UBE3B: variants seen among roughly 807,000 people sequenced by gnomAD.
UBE3B encodes the protein ubiquitin-protein ligase E3B.
Under a neutral mutation model 132.3 loss-of-function variants are expected in UBE3B, and 80 were observed. That is an observed-to-expected ratio of 0.60 (90% CI 0.50 to 0.73). UBE3B has a LOEUF of 0.73. Among genes scored for constraint, UBE3B ranks in the 30% least tolerant of loss-of-function variants. The pLI is 0.00. For missense variants in UBE3B, 1,196 were observed against 1,362.5 expected (o/e 0.88, Z 1.92); for synonymous variants, 487 against 520.4 (o/e 0.94, Z 0.87).
At chr12:109,486,187 G>A in intron 5 of UBE3B, 116 bp downstream of exon 5, 1 of 1,118,736 alleles carries the variant, frequency 8.9e-7, no homozygotes, top group Non-Finnish European at 1.3e-6. Context: ...AATAAGTAGT[G>A]GATGGAAAAC....
At position 109,522,620 on chromosome 12, in the gene UBE3B, G is replaced by A. The variant is rs2287186; in HGVS notation, c.2364+1069G>A. Among the ~76,000 whole-genome samples, 1,844 of 152,278 alleles carry A rather than the reference G, an allele frequency of 0.012. 29 individuals are homozygous for A. Among genetic ancestry groups the A allele is most frequent in the African/African-American group, 0.037 (1,554 of 41,558 alleles). ...TCCAAACAGAAAGAGCCAGCAGCTG[G>A]GCCAAGCTGAGAGGGAGGTCTCAGG... On this transcript the variant is annotated intron_variant, in intron 21 of 27. Coordinates refer to ENST00000342494, the MANE Select transcript of UBE3B (RefSeq NM_130466.4). The surrounding 1 kb of genome is among the most constrained non-coding windows in gnomAD (Gnocchi z 4.2).
At chr12:109,518,282 G>A (rs1362471345) in intron 19 of UBE3B, among the ~76,000 whole-genome samples, 2 of 152,162 alleles carry the variant, frequency 1.3e-5, no homozygotes, top group African/African-American at 2.4e-5. Context: ...TGCCTCCCCA[G>A]AAGAGGCCAC....
At chr12:109,496,427 G>A (rs759782924) in intron 9 of UBE3B, among the ~76,000 whole-genome samples, 6 of 152,190 alleles carry the variant, frequency 3.9e-5, no homozygotes, top group African/African-American at 1.4e-4. Context: ...GGGTCATGTG[G>A]TAACTCCATG....
chr12:109,529,598 T>C (rs535810361), intron 24 of UBE3B, among the ~76,000 whole-genome samples: 34 of 152,300 alleles, frequency 2.2e-4, no homozygotes, highest in African/African-American at 7.7e-4. Flanking sequence ...AATGTCTCCT[T>C]GTGATTCCCG....
rs768162705 is a variant in UBE3B at position 109,483,694 on chromosome 12, G to A, written c.143G>A (p.Arg48Gln). 2.5e-5 allele frequency: 40 copies of A among 1,606,512 alleles called. No individual in the cohort carries two copies. In the South Asian group the frequency reaches 3.1e-4, roughly 13 times the overall value. Residue 48 changes from arginine (R) to glutamine (Q), a missense_variant, in exon 3 of 28, where the codon CGA becomes CAA. Coordinates refer to ENST00000342494, the MANE Select transcript of UBE3B (RefSeq NM_130466.4). ...AHVRSFLCRSRLQRDIRREID... is the reference protein window; with the variant it reads ...AHVRSFLCRSQLQRDIRREID... Reference sequence around the variant, plus strand: ...GTCCGGAGTTTTCTCTGTCGGAGTCGACTGCAGAGAGATATCAGGTAAGGG... The same window carrying A: ...GTCCGGAGTTTTCTCTGTCGGAGTCAACTGCAGAGAGATATCAGGTAAGGG...
In UBE3B at chr12:109,490,000, T is replaced by C. The variant is rs1481365359; in HGVS notation, c.626T>C (p.Leu209Pro). Residue 209 changes from leucine (L) to proline (P), a missense_variant, in exon 8 of 28, where the codon CTG (leucine) becomes CCG (proline). Physicochemically the swap from Leu to Pro is moderately conservative, Grantham distance 98. Transcript: ENST00000342494. Reference sequence around the variant, plus strand: ...AACCAGCATGGATTTTATTCTGTGCTGCAGGTCTGTGACTCCTGCCCCCCA... The same window carrying C: ...AACCAGCATGGATTTTATTCTGTGCCGCAGGTCTGTGACTCCTGCCCCCCA... The part of the protein sequence containing the change: ...HLNQHGFYSV[L>P]QILLTRGLAR... 1 of 1,614,198 alleles carries C rather than the reference T, an allele frequency of 6.2e-7. No homozygotes were observed. Among genetic ancestry groups the C allele is most frequent in the East Asian group, 2.2e-5 (1 of 44,884 alleles).
chr12:109,506,648 G>C (rs1879725341), intron 14 of UBE3B, among the ~76,000 whole-genome samples: 1 of 152,230 alleles, frequency 6.6e-6, no homozygotes, highest in Admixed American at 6.5e-5. Flanking sequence ...ACAGCACCGG[G>C]CTGCCAAATC....
intron 18 of UBE3B, among the ~76,000 whole-genome samples, chr12:109,512,638 GTAAAT>G (rs1880519594): frequency 6.6e-6 from 1 of 151,992 alleles, no homozygotes; most frequent in African/African-American, 2.4e-5. Context: ...TCATATTTTT[GTAAAT>G]TAAATCTCAT....
intron 22 of UBE3B, 42 bp downstream of exon 22, chr12:109,524,157 TGAACTCAC>T: frequency 6.2e-7 from 1 of 1,611,388 alleles, no homozygotes; most frequent in Non-Finnish European, 8.5e-7. Flanking sequence ...AGCACTGGTG[TGAACTCAC>T]AGCTTGCGAA....
intron 18 of UBE3B, among the ~76,000 whole-genome samples, chr12:109,513,452 A>G: frequency 6.6e-6 from 1 of 152,312 alleles, no homozygotes; most frequent in African/African-American, 2.4e-5. Context: ...AGAACAAAAT[A>G]AAAATATTTT....
chr12:109,520,447 C>G (rs1053991797), intron 19 of UBE3B: 5 of 152,302 alleles, frequency 3.3e-5, no homozygotes, highest in Non-Finnish European at 7.3e-5. Context: ...TGCTGAATGG[C>G]TGTGTCCTAA....
In UBE3B at chr12:109,530,586, C is replaced by T. The variant is rs1882840356; in HGVS notation, c.2850C>T (p.His950=). 1 of 1,614,200 alleles carries T rather than the reference C, an allele frequency of 6.2e-7. No homozygotes were observed. Among genetic ancestry groups the T allele is most frequent in the Non-Finnish European group, 8.5e-7 (1 of 1,180,032 alleles). ...ACTACGGTGGTTTCCATGGAAGTCACAGAGTCATCATCTGGCTCTGGGATA... is the reference window on the plus strand; with the variant it reads ...ACTACGGTGGTTTCCATGGAAGTCATAGAGTCATCATCTGGCTCTGGGATA... ...TVYYGGFHGS[H]RVIIWLWDIL... Residue 950 remains histidine (H), a synonymous_variant, in exon 26 of 28, where the codon CAC becomes CAT. Coordinates refer to ENST00000342494, the MANE Select transcript of UBE3B (RefSeq NM_130466.4).
At chr12:109,518,970 C>T (rs1447984300) in intron 19 of UBE3B, among the ~76,000 whole-genome samples, 1 of 152,196 alleles carries the variant, frequency 6.6e-6, no homozygotes, top group Non-Finnish European at 1.5e-5. Context: ...ATCTCAGACT[C>T]ATGCTCTCCT....
intron 24 of UBE3B, among the ~76,000 whole-genome samples, chr12:109,528,755 C>T (rs1407320669): frequency 6.6e-6 from 1 of 151,724 alleles, no homozygotes; most frequent in Admixed American, 6.6e-5. Flanking sequence ...GAGACTGAGG[C>T]AGGAAAATCA....
At chr12:109,502,450 G>A (rs1338704903) in intron 13 of UBE3B, among the ~76,000 whole-genome samples, 1 of 152,208 alleles carries the variant, frequency 6.6e-6, no homozygotes, top group Admixed American at 6.5e-5. Flanking sequence ...TTACCTGCCT[G>A]TGGTGGGTTT....
In UBE3B at chr12:109,530,536, A is replaced by G. The variant is rs1402529276; in HGVS notation, c.2811-11A>G. On this transcript the variant is annotated splice_polypyrimidine_tract_variant and intron_variant, in intron 25 of 27. Transcript: ENST00000342494. ...AGCACATTGCTGAGCCCAGGTCTGT[A>G]TTGCTTTCAGGAAGCACACAGTCTA... 2 of 1,613,040 alleles carry G rather than the reference A, an allele frequency of 1.2e-6. No individual in the cohort carries two copies. Among genetic ancestry groups the G allele is most frequent in the Non-Finnish European group, 1.7e-6 (2 of 1,179,192 alleles).
intron 23 of UBE3B, 138 bp from the exon 24 acceptor site, chr12:109,526,220 A>AG: frequency 1.2e-6 from 1 of 847,268 alleles, no homozygotes; most frequent in Non-Finnish European, 1.9e-6. Flanking sequence ...ACTTTTTATG[A>AG]GAAAGGATGG....
At chr12:109,483,474 CTG>C (rs1795602265) in intron 2 of UBE3B, 55 bp from the exon 3 acceptor site, 1 of 1,491,800 alleles carries the variant, frequency 6.7e-7, no homozygotes, top group East Asian at 2.3e-5. Context: ...GAGCCCCTTT[CTG>C]TGTGTGTTTT....
intron 16 of UBE3B, among the ~76,000 whole-genome samples, chr12:109,510,024 CAT>C (rs1057435676): frequency 2.6e-5 from 4 of 152,174 alleles, no homozygotes; most frequent in Non-Finnish European, 4.4e-5. Context: ...GAAGATAAAA[CAT>C]GTGCCAGTGC....
Sources: gnomAD v4.1 joint callset for allele counts (sites outside exome capture counted in the v4.1 genomes callset) on GRCh38, gnomAD v4.1.1 for gene constraint, Gnocchi (gnomAD v3.1) non-coding constraint, MANE v1.5 for transcripts, NCBI Gene and HGNC (gene_info 2026-07-23, HGNC 2026-07-21) for gene names.